Variants in CACNA1S observed in about 807,000 individuals in gnomAD.
CACNA1S encodes voltage-dependent L-type calcium channel subunit alpha-1S.
CACNA1S carries 126 observed loss-of-function variants against 207.4 expected under a neutral mutation model. The observed-to-expected ratio is 0.61, with a 90% CI of 0.53 to 0.70. The LOEUF is 0.70. Ranked by LOEUF, CACNA1S falls within the 30% of genes least tolerant of loss-of-function variation. The pLI, the probability that CACNA1S is intolerant of heterozygous loss-of-function variation, is 0.00. For synonymous variants in CACNA1S, 960 were observed against 932.7 expected (o/e 1.03, Z -0.53); for missense variants, 2,349 against 2,422.8 (o/e 0.97, Z 0.64).
rs754037624 is a variant in CACNA1S, at chr1:201,082,029, A to ATTTTT, written c.1393+1128_1393+1132dup. Among the ~76,000 whole-genome samples the ATTTTT allele has an allele frequency of 8.6e-4, 109 of 126,744 alleles. 2 individuals are homozygous for ATTTTT. Among genetic ancestry groups the ATTTTT allele is most frequent in the Middle Eastern group, 8.5e-3 (2 of 236 alleles). The allele number at this position is 126,744 out of a possible 152,430, so 83.1% of individuals were successfully genotyped here. A position where few individuals can be genotyped will look rare whatever the true frequency, so the allele number is the denominator to read the frequency against. ...TTATAAATTACCCAGTCTCAGGTGC[A>ATTTTT]TTTTTTTTTTTTTTTTTTGAGACAG... On this transcript the variant is annotated intron_variant, in intron 10 of 43. Coordinates refer to ENST00000362061, the MANE Select transcript of CACNA1S (RefSeq NM_000069.3).
Position 201,041,545 on chromosome 1 carries a change from G to C in CACNA1S, c.5093C>G (p.Ala1698Gly). Residue 1698 changes from alanine (A) to glycine (G), a missense_variant, in exon 41 of 44, where the codon GCT becomes GGT. Transcript: ENST00000362061. ...REFPEETETP[A>G]TRGRALGQPC... The stretch of plus-strand genomic sequence containing the variant: ...TTGGCCAAGGGCTCGTCCTCTGGTA[G>C]CAGGCGTCTCTGTCTCTTCTGGGAA... 1 of 1,614,200 alleles carries C rather than the reference G, an allele frequency of 6.2e-7. No individual in the cohort carries two copies. The highest frequency in any genetic ancestry group is 2.2e-5 in the East Asian group (1 of 44,886).
At chr1:201,050,681 T>C (rs1412465128) in intron 33 of CACNA1S, among the ~76,000 whole-genome samples, 165 bp from the exon 34 acceptor site, 1 of 152,140 alleles carries the variant, frequency 6.6e-6, no homozygotes, top group African/African-American at 2.4e-5. Flanking sequence ...TGCTCTGTCA[T>C]GTCTCTGTGC....
At chr1:201,054,637 G>T in intron 28 of CACNA1S, 76 bp from the exon 29 acceptor site, 1 of 1,217,096 alleles carries the variant, frequency 8.2e-7, no homozygotes, top group Non-Finnish European at 1.2e-6. Flanking sequence ...GAGGTGAAGA[G>T]ACGTGTCAGA....
intron 16 of CACNA1S, 145 bp downstream of exon 16, chr1:201,072,610 G>T: frequency 1.4e-6 from 1 of 735,148 alleles, no homozygotes; most frequent in Non-Finnish European, 2.5e-6. Context: ...TATTTGCACA[G>T]AAGGGATGTC....
rs1030338556 is a variant in CACNA1S, at chr1:201,051,099, C to T, written c.3998G>A (p.Ser1333Asn). ...EAWQEILLAC[S>N]YGKLCDPESD... ...CTCTGGGTCACACAGCTTCCCATAG[C>T]TGCAGGCCAGTAGGATCTCCTGCCA... The change falls in exon 33 of 44, where the codon AGC becomes AAC. Residue 1333 changes from serine to asparagine, a missense_variant. Ser to Asn is a conservative substitution (Grantham distance 46, BLOSUM62 1). Coordinates refer to ENST00000362061, the MANE Select transcript of CACNA1S (RefSeq NM_000069.3). 2.5e-6 allele frequency: 4 copies of T among 1,614,140 alleles called. No homozygotes were observed. Among genetic ancestry groups the T allele is most frequent in the East Asian group, 4.5e-5 (2 of 44,908 alleles).
In CACNA1S at chr1:201,108,808, G is replaced by A. The variant is rs372648276; in HGVS notation, c.258+1356C>T. 1.8e-3 allele frequency among the ~76,000 whole-genome samples: 275 copies of A among 152,294 alleles called. 1 individual carries two copies. The highest frequency in any genetic ancestry group is 6.8e-3 in the Middle Eastern group (2 of 294). ...ATATGCCTCCTCCCTCCCAGGCCCTGCAGTTTCAGTGCAGGAAAAAAGCCC... is the reference window on the plus strand; with the variant it reads ...ATATGCCTCCTCCCTCCCAGGCCCTACAGTTTCAGTGCAGGAAAAAAGCCC... On this transcript the variant is annotated intron_variant, in intron 2 of 43. Coordinates refer to ENST00000362061, the MANE Select transcript of CACNA1S (RefSeq NM_000069.3).
intron 5 of CACNA1S, among the ~76,000 whole-genome samples, chr1:201,090,489 TTTG>T (rs1662184943): frequency 6.6e-6 from 1 of 152,162 alleles, no homozygotes; most frequent in South Asian, 2.1e-4. Context: ...TGACTGTCCC[TTTG>T]TTGTCAGCGG....
Position 201,073,682 on chromosome 1 carries a change from T to C in CACNA1S, c.2064-40A>G, listed in dbSNP as rs145972636. The C allele has an allele frequency of 1.9e-5, 29 of 1,503,918 alleles. No homozygotes were observed. The East Asian group carries it at 6.5e-4, about 34-fold the overall frequency. The allele number at this position is 1,503,918 out of a possible 1,614,324, so 93.2% of individuals were successfully genotyped here. ...CCAAAGTGGAAGCCAAACCAGAAAGTTCTCAGGGATCTGCTGAACCTGACA... is the reference window on the plus strand; with the variant it reads ...CCAAAGTGGAAGCCAAACCAGAAAGCTCTCAGGGATCTGCTGAACCTGACA... On this transcript the variant is annotated intron_variant, in intron 14 of 43. Coordinates refer to ENST00000362061, the MANE Select transcript of CACNA1S (RefSeq NM_000069.3).
At chr1:201,063,329 G>C (rs180851208) in intron 22 of CACNA1S, among the ~76,000 whole-genome samples, 128 of 150,434 alleles carry the variant, frequency 8.5e-4, no homozygotes, top group Middle Eastern at 7.0e-3. Context: ...TCACTCTGTC[G>C]CTTAGGCAAG....
rs757123262 is a variant in CACNA1S, at chr1:201,066,343, T to C, written c.2658-27A>G. The C allele has an allele frequency of 6.3e-7, 1 of 1,593,260 alleles. No individual in the cohort carries two copies. The highest frequency in any genetic ancestry group is 1.1e-5 in the South Asian group (1 of 90,792). On this transcript the variant is annotated intron_variant, in intron 20 of 43. Transcript: ENST00000362061. The surrounding 1 kb of genome is among the most constrained non-coding windows in gnomAD (Gnocchi z 4.3). Reference sequence around the variant, plus strand: ...TGGGGGGCGGCAATGGTGAGGGGGCTGAGGGCAGCCTGCTCCAGCCAGCCC... The same window carrying C: ...TGGGGGGCGGCAATGGTGAGGGGGCCGAGGGCAGCCTGCTCCAGCCAGCCC...
At chr1:201,083,708 C>T (rs1661926068) in intron 9 of CACNA1S, among the ~76,000 whole-genome samples, 1 of 152,192 alleles carries the variant, frequency 6.6e-6, no homozygotes, top group African/African-American at 2.4e-5. Context: ...GGGAAATGAG[C>T]TTTGACAGTA....
intron 6 of CACNA1S, among the ~76,000 whole-genome samples, chr1:201,088,157 C>A (rs998958077): frequency 2.6e-5 from 4 of 152,170 alleles, no homozygotes; most frequent in African/African-American, 9.7e-5. Context: ...TGACTGCCTA[C>A]CTGGCCCGGG....
In CACNA1S at chr1:201,066,060, G is replaced by T; in HGVS notation, c.2746-115C>A. The T allele has an allele frequency of 1.1e-6, 1 of 939,034 alleles. No individual in the cohort carries two copies. The highest frequency in any genetic ancestry group is 1.7e-6 in the Non-Finnish European group (1 of 588,968). 58.2% of individuals were successfully genotyped at this position (939,034 alleles called of 1,614,324 possible). A position where few individuals can be genotyped will look rare whatever the true frequency, so the allele number is the denominator to read the frequency against. On this transcript the variant is annotated intron_variant, in intron 21 of 43. Coordinates refer to ENST00000362061, the MANE Select transcript of CACNA1S (RefSeq NM_000069.3). The surrounding 1 kb of genome is among the most constrained non-coding windows in gnomAD (Gnocchi z 4.3). ...CTGCCTCCTGATGAGTTGGAGGTGGGGAAAGGCTGGTGGGGAAGCATAGCT... is the reference window on the plus strand; with the variant it reads ...CTGCCTCCTGATGAGTTGGAGGTGGTGAAAGGCTGGTGGGGAAGCATAGCT...
intron 2 of CACNA1S, among the ~76,000 whole-genome samples, chr1:201,103,011 G>A (rs1275936349): frequency 6.6e-6 from 1 of 152,136 alleles, no homozygotes; most frequent in Non-Finnish European, 1.5e-5. Context: ...TTGCACTCAT[G>A]GATATAACAG....
intron 24 of CACNA1S, 88 bp downstream of exon 24, chr1:201,061,856 G>A (rs1479583600): frequency 6.9e-7 from 1 of 1,445,716 alleles, no homozygotes; most frequent in African/African-American, 1.4e-5. Flanking sequence ...GGTAGCAGTA[G>A]CACCGTGGGG....
rs1661404981 is a variant in CACNA1S at position 201,070,354 on chromosome 1, G to A, written c.2278C>T (p.Pro760Ser). 6.2e-7 allele frequency: 1 copy of A among 1,614,098 alleles called. No individual in the cohort carries two copies. The highest frequency in any genetic ancestry group is 1.7e-4 in the Middle Eastern group (1 of 6,056). Residue 760 changes from proline to serine, a missense_variant, in exon 17 of 44, where the codon CCC (proline) becomes TCC (serine). By Grantham distance (74) the Pro-to-Ser change is moderately conservative (BLOSUM62 -1). Transcript: ENST00000362061. ...PEIPLSPRPR[P>S]LAELQLKEKA... Reference sequence around the variant, plus strand: ...TCTTTCAGCTGCAGCTCAGCCAGGGGACGTGGTCGGGGGCTCAGCGGGATC... The same window carrying A: ...TCTTTCAGCTGCAGCTCAGCCAGGGAACGTGGTCGGGGGCTCAGCGGGATC...
chr1:201,085,866 G>A (rs1662023266), intron 7 of CACNA1S, among the ~76,000 whole-genome samples: 1 of 152,044 alleles, frequency 6.6e-6, no homozygotes. Flanking sequence ...TTGTTTTGGG[G>A]TTCCCCTTGC....
chr1:201,078,145 C>A (rs1661700720), intron 10 of CACNA1S, 41 bp from the exon 11 acceptor site: 7 of 1,483,338 alleles, frequency 4.7e-6, no homozygotes, highest in Non-Finnish European at 1.9e-6. Context: ...ACTCTCCTTC[C>A]CTTCTCCTGA....
At chr1:201,052,710 C>G (rs1191772136) in intron 31 of CACNA1S, 62 bp from the exon 32 acceptor site, 2 of 1,348,858 alleles carry the variant, frequency 1.5e-6, no homozygotes, top group East Asian at 4.6e-5. Flanking sequence ...CAGCTTATCC[C>G]CCACTGCCTT....
Sources: allele counts gnomAD v4.1 joint callset (sites outside exome capture counted in the v4.1 genomes callset), GRCh38; gene constraint gnomAD v4.1.1; non-coding constraint Gnocchi (gnomAD v3.1); transcripts MANE v1.5; gene names NCBI Gene and HGNC (gene_info 2026-07-23, HGNC 2026-07-21).